Variants in UTRN observed in about 807,000 individuals in gnomAD.
UTRN encodes the protein dystrophin-related protein 1.
Under a neutral mutation model 463.9 loss-of-function variants are expected in UTRN, and 283 were observed. The ratio of observed to expected loss-of-function variants is 0.61; its 90% CI spans 0.55 to 0.67. The LOEUF (loss-of-function observed/expected upper bound fraction) is 0.67. Ranked by LOEUF, UTRN falls within the 30% of genes least tolerant of loss-of-function variation. The probability of loss-of-function intolerance (pLI) is 0.00; values close to 1 mark genes in which losing one functional copy is unlikely to be tolerated. For synonymous variants in UTRN, 1,442 were observed against 1,431.5 expected, an observed-to-expected ratio of 1.01 and a Z score of -0.17; for missense variants, 3,922 against 4,084.3, an observed-to-expected ratio of 0.96 and a Z score of 1.08.
At chr6:144,824,599 TATATATA>T (rs1779956914) in intron 66 of UTRN, among the ~76,000 whole-genome samples, 1 of 58,850 alleles carries the variant, frequency 1.7e-5, no homozygotes, top group African/African-American at 1.1e-4. Flanking sequence ...TATATATATA[TATATATA>T]TATATATCTT....
chr6:144,627,425 C>T (rs1776060520), intron 51 of UTRN, among the ~76,000 whole-genome samples: 2 of 151,920 alleles, frequency 1.3e-5, no homozygotes, highest in Admixed American at 1.3e-4. Context: ...TATTTTGTAA[C>T]TCTGTTAATA....
intron 18 of UTRN, 136 bp from the exon 19 acceptor site, chr6:144,453,646 G>T: frequency 3.3e-6 from 2 of 610,916 alleles, no homozygotes; most frequent in Non-Finnish European, 5.4e-6. Context: ...CTTTTTAGTT[G>T]CTATGATTAC....
intron 56 of UTRN, among the ~76,000 whole-genome samples, chr6:144,752,731 T>G (rs1007223345): frequency 6.6e-6 from 1 of 152,148 alleles, no homozygotes; most frequent in Non-Finnish European, 1.5e-5. Flanking sequence ...TTGTTCTTTA[T>G]TCTTTTTTTT....
chr6:144,373,640 C>CAGA (rs1310435439), intron 2 of UTRN, among the ~76,000 whole-genome samples: 2 of 152,222 alleles, frequency 1.3e-5, no homozygotes, highest in African/African-American at 4.8e-5. Flanking sequence ...CAGAATCGTA[C>CAGA]ATCCGTTAAA....
At chr6:144,411,843 C>G (rs1783922170) in intron 3 of UTRN, among the ~76,000 whole-genome samples, 1 of 152,086 alleles carries the variant, frequency 6.6e-6, no homozygotes, top group Non-Finnish European at 1.5e-5. Context: ...TAAATGGAAT[C>G]TTTTTCAATT....
chr6:144,329,151 C>A (rs1183508580), intron 2 of UTRN, among the ~76,000 whole-genome samples: 1 of 144,960 alleles, frequency 6.9e-6, no homozygotes, highest in Non-Finnish European at 1.5e-5. Flanking sequence ...GGGGCGATCT[C>A]GGCTCACTGC....
At chr6:144,296,996 G>A (rs527534599) in intron 2 of UTRN, among the ~76,000 whole-genome samples, 1 of 152,164 alleles carries the variant, frequency 6.6e-6, no homozygotes, top group African/African-American at 2.4e-5. Flanking sequence ...AGTCCTTTGG[G>A]TGGAAGATAG....
chr6:144,332,585 G>T (rs1776412888), intron 2 of UTRN, among the ~76,000 whole-genome samples: 1 of 151,942 alleles, frequency 6.6e-6, no homozygotes, highest in Admixed American at 6.6e-5. Flanking sequence ...AAAATCTAAG[G>T]ATTCTTTAAA....
chr6:144,816,819 A>G (rs9497091), intron 65 of UTRN, among the ~76,000 whole-genome samples: 27,713 of 149,954 alleles, frequency 0.18, 3,445 homozygotes, highest in Admixed American at 0.34. Context: ...AGTTGAAGCA[A>G]TCTGCCCTCC....
At chr6:144,837,940 A>T (rs1043729202) in intron 71 of UTRN, among the ~76,000 whole-genome samples, 5 of 152,200 alleles carry the variant, frequency 3.3e-5, no homozygotes, top group Non-Finnish European at 7.4e-5. Flanking sequence ...GCCCTTCGGA[A>T]TGTTTGAGTC....
intron 44 of UTRN, among the ~76,000 whole-genome samples, chr6:144,538,036 T>C (rs1429187711): frequency 6.6e-6 from 1 of 152,166 alleles, no homozygotes; most frequent in Non-Finnish European, 1.5e-5. Flanking sequence ...TGTTTTTAGA[T>C]TTGGAAGAAA....
intron 3 of UTRN, among the ~76,000 whole-genome samples, chr6:144,403,766 T>C (rs985217643): frequency 6.6e-6 from 1 of 152,188 alleles, no homozygotes; most frequent in Non-Finnish European, 1.5e-5. Flanking sequence ...CAGAGCATGC[T>C]GAAGAGAGGA....
intron 25 of UTRN, 122 bp from the exon 26 acceptor site, chr6:144,479,690 A>G: frequency 1.7e-6 from 2 of 1,179,132 alleles, no homozygotes; most frequent in Admixed American, 2.5e-5. Flanking sequence ...ATTTTATCTG[A>G]ATTTTAAAGC....
At chr6:144,421,405 T>G (rs1784816816) in intron 3 of UTRN, among the ~76,000 whole-genome samples, 1 of 152,052 alleles carries the variant, frequency 6.6e-6, no homozygotes, top group South Asian at 2.1e-4. Flanking sequence ...AAAGACAAAT[T>G]TGGGCCGGGT....
At chr6:144,310,373 C>T (rs1281682222) in intron 2 of UTRN, among the ~76,000 whole-genome samples, 2 of 151,914 alleles carry the variant, frequency 1.3e-5, no homozygotes, top group African/African-American at 2.4e-5. Flanking sequence ...CCTGTCTCTA[C>T]TTAACATACA....
intron 54 of UTRN, among the ~76,000 whole-genome samples, chr6:144,732,236 A>G (rs1245387695): frequency 3.8e-3 from 114 of 30,224 alleles, no homozygotes; most frequent in African/African-American, 0.012. Flanking sequence ...ATATATATAT[A>G]TACATATATA....
At chr6:144,470,434 C>T (rs148420454) in intron 23 of UTRN, among the ~76,000 whole-genome samples, 5,971 of 151,730 alleles carry the variant, frequency 0.039, 153 homozygotes, top group Non-Finnish European at 0.06. Context: ...GACGGGGTCG[C>T]GGCCGGGCAG....
rs779720598 is a variant in UTRN, at chr6:144,291,794, G to C, written c.-35G>C. 1.2e-6 allele frequency: 2 copies of C among 1,601,194 alleles called. No homozygotes were observed. The highest frequency in any genetic ancestry group is 3.5e-5 in the Admixed American group (2 of 57,826). The stretch of plus-strand genomic sequence containing the variant: ...TTGAAAGCCTTAGAAAGAGGACTTG[G>C]TAAAGTTTTTGGATTATCTTGAAAC... On this transcript the variant is annotated 5_prime_UTR_variant, in exon 2 of 75. Transcript: ENST00000367545.
intron 68 of UTRN, among the ~76,000 whole-genome samples, chr6:144,828,350 G>A (rs1402765662): frequency 6.6e-6 from 1 of 152,128 alleles, no homozygotes; most frequent in Admixed American, 6.6e-5. Flanking sequence ...ATGAGAAAGT[G>A]AAGGACACAG....
Sources: gnomAD v4.1 joint callset for allele counts (sites outside exome capture counted in the v4.1 genomes callset) on GRCh38, gnomAD v4.1.1 for gene constraint, MANE v1.5 for transcripts, NCBI Gene and HGNC (gene_info 2026-07-23, HGNC 2026-07-21) for gene names.